The following ADAM32 variants were observed in gnomAD, a reference collection of about 807,000 sequenced individuals.
The protein encoded by ADAM32 is disintegrin and metalloproteinase domain-containing protein 32.
Under a neutral mutation model 114.9 loss-of-function variants are expected in ADAM32, and 89 were observed. The ratio of observed to expected loss-of-function variants is 0.77; its 90% CI spans 0.65 to 0.92. The LOEUF is 0.92. Ranked by LOEUF, ADAM32 falls within the 40% of genes least tolerant of loss-of-function variation. The pLI is 0.00. For synonymous variants in ADAM32, 285 were observed against 307.5 expected (o/e 0.93, Z 0.77); for missense variants, 870 against 932.8 (o/e 0.93, Z 0.88).
At chr8:39,159,947 C>G (rs1804390287) in intron 6 of ADAM32, among the ~76,000 whole-genome samples, 1 of 152,100 alleles carries the variant, frequency 6.6e-6, no homozygotes, top group East Asian at 1.9e-4. Context: ...TATAGAAACC[C>G]AGCAGCTTTT....
chr8:39,137,869 G>A (rs532066769), intron 3 of ADAM32, among the ~76,000 whole-genome samples: 1 of 152,092 alleles, frequency 6.6e-6, no homozygotes, highest in South Asian at 2.1e-4. Flanking sequence ...AGGCAGAAGA[G>A]AAAAAGAATA....
intron 2 of ADAM32, among the ~76,000 whole-genome samples, chr8:39,131,041 C>T (rs1163649878): frequency 1.3e-5 from 2 of 149,178 alleles, no homozygotes; most frequent in African/African-American, 4.9e-5. Context: ...ACTGCAAGCT[C>T]CACCTCCCGG....
At chr8:39,161,133 G>A (rs555607293) in intron 7 of ADAM32, among the ~76,000 whole-genome samples, 168 bp downstream of exon 7, 1 of 152,162 alleles carries the variant, frequency 6.6e-6, no homozygotes, top group African/African-American at 2.4e-5. Context: ...AATGATACTA[G>A]TTTTATCAGA....
At chr8:39,190,666 G>A (rs1420843016) in intron 11 of ADAM32, among the ~76,000 whole-genome samples, 2 of 152,136 alleles carry the variant, frequency 1.3e-5, no homozygotes, top group Admixed American at 6.5e-5. Flanking sequence ...ATTTTTTCGT[G>A]TCAGAAAAGA....
intron 3 of ADAM32, among the ~76,000 whole-genome samples, chr8:39,138,894 TG>T (rs1564467426): frequency 6.6e-6 from 1 of 152,218 alleles, no homozygotes; most frequent in Non-Finnish European, 1.5e-5. Context: ...TATCTCATTG[TG>T]GTTTTGATTT....
At chr8:39,219,936 C>G (rs1169459735) in intron 12 of ADAM32, among the ~76,000 whole-genome samples, 1 of 152,022 alleles carries the variant, frequency 6.6e-6, no homozygotes, top group African/African-American at 2.4e-5. Flanking sequence ...ATGTGGAGTA[C>G]TTTGTAAGTG....
At chr8:39,150,792 T>C (rs1210501205) in intron 5 of ADAM32, among the ~76,000 whole-genome samples, 7 of 152,244 alleles carry the variant, frequency 4.6e-5, no homozygotes, top group Non-Finnish European at 1.0e-4. Flanking sequence ...CTCTTTAAAA[T>C]CTTGCTTTTA....
At chr8:39,136,064 T>G (rs1470987996) in intron 2 of ADAM32, among the ~76,000 whole-genome samples, 1 of 152,218 alleles carries the variant, frequency 6.6e-6, no homozygotes, top group Admixed American at 6.5e-5. Context: ...TCTGTTTCTC[T>G]ACCTCTTGCT....
chr8:39,188,917 G>T (rs1806419782), intron 11 of ADAM32, among the ~76,000 whole-genome samples: 1 of 152,034 alleles, frequency 6.6e-6, no homozygotes, highest in African/African-American at 2.4e-5. Context: ...CATTATGTTA[G>T]TTCTCAAAGA....
intron 19 of ADAM32, among the ~76,000 whole-genome samples, chr8:39,260,540 A>G (rs142246319): frequency 1.9e-3 from 288 of 152,166 alleles, no homozygotes; most frequent in African/African-American, 6.6e-3. Context: ...AATATGTTGA[A>G]TTTTGTTTCC....
At chr8:39,244,566 C>A (rs2072208330) in intron 16 of ADAM32, among the ~76,000 whole-genome samples, 1 of 152,104 alleles carries the variant, frequency 6.6e-6, no homozygotes, top group South Asian at 2.1e-4. Context: ...CCCTATTCGA[C>A]AAATGGTGGT....
intron 18 of ADAM32, 90 bp from the exon 19 acceptor site, chr8:39,257,097 C>G (rs1026655361): frequency 8.1e-7 from 1 of 1,240,168 alleles, no homozygotes; most frequent in African/African-American, 1.5e-5. Context: ...AATACAAATT[C>G]AGAAGATTTT....
At chr8:39,281,390 A>G (rs1343297487) in intron 23 of ADAM32, among the ~76,000 whole-genome samples, 2 of 152,116 alleles carry the variant, frequency 1.3e-5, no homozygotes, top group Admixed American at 6.5e-5. Context: ...TTGATTGCCT[A>G]CTCTTGTGGT....
chr8:39,261,561 G>T (rs1812030050), intron 19 of ADAM32, among the ~76,000 whole-genome samples: 1 of 152,132 alleles, frequency 6.6e-6, no homozygotes. Flanking sequence ...CTTTCCTTTG[G>T]ATAAATACCC....
intron 1 of ADAM32, chr8:39,108,246 A>G (rs900179216): frequency 6.3e-6 from 1 of 157,930 alleles, no homozygotes; most frequent in Admixed American, 6.5e-5. Context: ...GATCGCCCCC[A>G]CTGGACTCCA....
At chr8:39,138,026 T>G (rs1802909916) in intron 3 of ADAM32, among the ~76,000 whole-genome samples, 1 of 152,136 alleles carries the variant, frequency 6.6e-6, no homozygotes, top group South Asian at 2.1e-4. Context: ...CATGTGTATA[T>G]CGTTTTGAGA....
At chr8:39,114,564 A>G (rs910093708) in intron 1 of ADAM32, among the ~76,000 whole-genome samples, 2 of 152,084 alleles carry the variant, frequency 1.3e-5, no homozygotes, top group African/African-American at 4.8e-5. Context: ...AGGTGAAAGC[A>G]TTTTGTTTTT....
chr8:39,141,201 C>G (rs990853435), intron 3 of ADAM32, among the ~76,000 whole-genome samples: 3 of 152,162 alleles, frequency 2.0e-5, no homozygotes, highest in African/African-American at 7.2e-5. Context: ...CAGTTCTGCT[C>G]TGATCTTAGT....
chr8:39,152,720 C>CAAAAAAAAA (rs112877602), intron 6 of ADAM32, among the ~76,000 whole-genome samples: 4 of 136,856 alleles, frequency 2.9e-5, no homozygotes, highest in African/African-American at 1.2e-4. Context: ...GACTCCATCT[C>CAAAAAAAAA]AAAAAAAAAA....
Sources: gnomAD v4.1 joint callset for allele counts (sites outside exome capture counted in the v4.1 genomes callset) on GRCh38, gnomAD v4.1.1 for gene constraint, MANE v1.5 for transcripts, NCBI Gene and HGNC (gene_info 2026-07-23, HGNC 2026-07-21) for gene names.